The following GRAMD2B variants were observed in gnomAD, a reference collection of about 807,000 sequenced individuals.
GRAMD2B encodes GRAM domain containing 2B.
GRAMD2B carries 41 observed loss-of-function variants against 59.2 expected under a neutral mutation model. The ratio of observed to expected loss-of-function variants is 0.69; its 90% CI spans 0.54 to 0.90. GRAMD2B has a LOEUF of 0.90. GRAMD2B is among the 40% of genes least tolerant of loss of function. GRAMD2B has a pLI of 0.00. For missense variants in GRAMD2B, 424 were observed against 500.5 expected (o/e 0.85, Z 1.46); for synonymous variants, 161 against 182.7 (o/e 0.88, Z 0.96).
chr5:126,392,482 G>A (rs948736277), intron 1 of GRAMD2B, among the ~76,000 whole-genome samples: 1 of 152,074 alleles, frequency 6.6e-6, no homozygotes, highest in African/African-American at 2.4e-5. Flanking sequence ...CAGAACCAAA[G>A]ATTTGTATTG....
chr5:126,414,718 C>T (rs546504437), intron 1 of GRAMD2B, among the ~76,000 whole-genome samples: 51 of 152,282 alleles, frequency 3.3e-4, no homozygotes, highest in Non-Finnish European at 5.0e-4. Flanking sequence ...ATCTTCCTAC[C>T]TCAGCCTCCC....
chr5:126,402,500 G>A (rs1757922549), intron 1 of GRAMD2B, among the ~76,000 whole-genome samples: 1 of 151,940 alleles, frequency 6.6e-6, no homozygotes, highest in Admixed American at 6.6e-5. Flanking sequence ...CTCTGAGTAG[G>A]GTCCCTGCAG....
intron 1 of GRAMD2B, among the ~76,000 whole-genome samples, chr5:126,388,331 C>T (rs1425689143): frequency 6.6e-6 from 1 of 152,016 alleles, no homozygotes; most frequent in East Asian, 1.9e-4. Context: ...CATATTCATG[C>T]TACTGCACTC....
intron 1 of GRAMD2B, among the ~76,000 whole-genome samples, chr5:126,361,586 T>C (rs1754225428): frequency 6.6e-6 from 1 of 151,590 alleles, no homozygotes; most frequent in Admixed American, 6.6e-5. Context: ...AATTACACAA[T>C]GAATAAATTC....
At chr5:126,379,203 A>G (rs932838931) in intron 1 of GRAMD2B, among the ~76,000 whole-genome samples, 2 of 152,108 alleles carry the variant, frequency 1.3e-5, no homozygotes, top group Non-Finnish European at 2.9e-5. Context: ...ATAGTCTCCA[A>G]TTCCATCCAG....
At chr5:126,488,440 T>A (rs1020923103) in intron 12 of GRAMD2B, among the ~76,000 whole-genome samples, 1 of 152,210 alleles carries the variant, frequency 6.6e-6, no homozygotes, top group African/African-American at 2.4e-5. Flanking sequence ...AGTACAATAA[T>A]TCTTGTAAGT....
intron 1 of GRAMD2B, among the ~76,000 whole-genome samples, chr5:126,405,823 C>A (rs1057052611): frequency 5.3e-5 from 8 of 151,620 alleles, no homozygotes; most frequent in Admixed American, 2.0e-4. Flanking sequence ...AAGCTAGGAA[C>A]CAAGTAGTAA....
chr5:126,441,111 G>C (rs2149831209), intron 1 of GRAMD2B, among the ~76,000 whole-genome samples: 1 of 151,868 alleles, frequency 6.6e-6, no homozygotes, highest in South Asian at 2.1e-4. Context: ...GAATTTTCTA[G>C]AATGAGCGTG....
chr5:126,432,652 G>A (rs1387077664), intron 1 of GRAMD2B, among the ~76,000 whole-genome samples: 1 of 152,126 alleles, frequency 6.6e-6, no homozygotes, highest in African/African-American at 2.4e-5. Context: ...AATATACAGT[G>A]TGGTCCTCAA....
At chr5:126,420,070 A>AAAAAAAG (rs1554076419), upstream of GRAMD2B, among the ~76,000 whole-genome samples, 73 of 148,110 alleles carry the variant, frequency 4.9e-4, no homozygotes, top group Non-Finnish European at 9.4e-4. Context: ...AAAAAAAAAA[A>AAAAAAAG]AAAGAAAGAA....
At chr5:126,447,429 A>G (rs543958156) in intron 1 of GRAMD2B, among the ~76,000 whole-genome samples, 84 of 152,292 alleles carry the variant, frequency 5.5e-4, no homozygotes, top group Admixed American at 1.6e-3. Flanking sequence ...TTGGGAGGCC[A>G]AGGCGGGCAG....
upstream of GRAMD2B, chr5:126,423,199 C>T: frequency 9.9e-7 from 1 of 1,012,832 alleles, no homozygotes; most frequent in Non-Finnish European, 1.2e-6. Flanking sequence ...GGATAGAAAA[C>T]AAAAAGCTTA....
chr5:126,460,794 C>T (rs1182328328), intron 1 of GRAMD2B, among the ~76,000 whole-genome samples: 2 of 152,216 alleles, frequency 1.3e-5, no homozygotes, highest in South Asian at 2.1e-4. Flanking sequence ...CAGGAACACT[C>T]TACTTTCACA....
intron 2 of GRAMD2B, among the ~76,000 whole-genome samples, chr5:126,469,305 G>T (rs1769090459): frequency 6.6e-6 from 1 of 152,130 alleles, no homozygotes; most frequent in South Asian, 2.1e-4. Flanking sequence ...TTTCTTAGAA[G>T]ATAGTATAAT....
Position 126,483,459 on chromosome 5 carries a change from T to C in GRAMD2B, c.736-4T>C. ...CCTGTCTTCATTTCACTGTTTCCTT[T>C]CAGGATTTCAATGATGAATTCTCAG... On this transcript the variant is annotated splice_polypyrimidine_tract_variant and splice_region_variant and intron_variant, in intron 8 of 13. Transcript: ENST00000285689. 1.9e-6 allele frequency: 3 copies of C among 1,581,364 alleles called. No individual in the cohort carries two copies. Among genetic ancestry groups the C allele is most frequent in the Non-Finnish European group, 2.6e-6 (3 of 1,150,696 alleles).
At chr5:126,474,365 T>G (rs1770175973) in intron 5 of GRAMD2B, among the ~76,000 whole-genome samples, 1 of 152,246 alleles carries the variant, frequency 6.6e-6, no homozygotes, top group Non-Finnish European at 1.5e-5. Flanking sequence ...TTTCTTTTGT[T>G]GGTGTTGGAG....
At chr5:126,401,027 C>T (rs913889657) in intron 1 of GRAMD2B, among the ~76,000 whole-genome samples, 6 of 152,190 alleles carry the variant, frequency 3.9e-5, no homozygotes, top group Non-Finnish European at 8.8e-5. Context: ...AATAAGCTTT[C>T]TTCCCATTTC....
intron 1 of GRAMD2B, among the ~76,000 whole-genome samples, chr5:126,426,647 C>CAGCT (rs1760668857): frequency 6.6e-6 from 1 of 152,166 alleles, no homozygotes. Flanking sequence ...CTTTCAAGTA[C>CAGCT]CATCTGTTGG....
At chr5:126,483,402 A>G in intron 8 of GRAMD2B, 61 bp from the exon 9 acceptor site, 2 of 1,019,548 alleles carry the variant, frequency 2.0e-6, no homozygotes, top group Non-Finnish European at 1.5e-6. Flanking sequence ...TGGGAGTTAC[A>G]AAGGCCTGCC....
Sources: gnomAD v4.1 joint callset for allele counts (sites outside exome capture counted in the v4.1 genomes callset) on GRCh38, gnomAD v4.1.1 for gene constraint, MANE v1.5 for transcripts, NCBI Gene and HGNC (gene_info 2026-07-23, HGNC 2026-07-21) for gene names.